The following LRMDA variants were observed in gnomAD, a reference collection of about 807,000 sequenced individuals.
LRMDA encodes the protein leucine rich melanocyte differentiation associated.
LRMDA carries 18 observed loss-of-function variants against 29.8 expected under a neutral mutation model. The ratio of observed to expected loss-of-function variants is 0.60; its 90% CI spans 0.42 to 0.90. The LOEUF (loss-of-function observed/expected upper bound fraction) is 0.90. LRMDA is among the 40% of genes least tolerant of loss of function. The pLI, the probability that LRMDA is intolerant of heterozygous loss-of-function variation, is 0.00. For synonymous variants in LRMDA, 125 were observed against 109.4 expected (o/e 1.14, Z -0.89); for missense variants, 273 against 273.9 (o/e 1.00, Z 0.02).
At chr10:75,947,120 C>T (rs964586019) in intron 2 of LRMDA, among the ~76,000 whole-genome samples, 5 of 152,180 alleles carry the variant, frequency 3.3e-5, no homozygotes, top group Admixed American at 3.3e-4. Context: ...GGGTAAAAAT[C>T]CTCTCGGCCT....
chr10:76,024,646 AG>A (rs2132494789), intron 2 of LRMDA, among the ~76,000 whole-genome samples: 1 of 152,230 alleles, frequency 6.6e-6, no homozygotes, highest in South Asian at 2.1e-4. Context: ...AGTCCATTCC[AG>A]GGGGGCCCTG....
intron 6 of LRMDA, among the ~76,000 whole-genome samples, chr10:76,458,881 C>T (rs1842484555): frequency 6.6e-6 from 1 of 151,778 alleles, no homozygotes; most frequent in Non-Finnish European, 1.5e-5. Flanking sequence ...CAAATAAGGC[C>T]ATTTTCCTCA....
At chr10:75,433,844 A>G (rs1245182194) in intron 1 of LRMDA, among the ~76,000 whole-genome samples, 1 of 152,164 alleles carries the variant, frequency 6.6e-6, no homozygotes, top group East Asian at 1.9e-4. Context: ...GCAAAGAAAA[A>G]AAAACCCTAT....
chr10:76,301,864 A>G (rs761323581), intron 5 of LRMDA, among the ~76,000 whole-genome samples: 7 of 152,214 alleles, frequency 4.6e-5, no homozygotes, highest in African/African-American at 7.2e-5. Context: ...TATTTGTGCA[A>G]TATCACAGAC....
At chr10:76,103,853 A>G (rs1226761700) in intron 5 of LRMDA, among the ~76,000 whole-genome samples, 1 of 152,018 alleles carries the variant, frequency 6.6e-6, no homozygotes, top group Non-Finnish European at 1.5e-5. Flanking sequence ...GTTCAAGACC[A>G]GCCTGGCCAA....
At chr10:75,622,022 A>G (rs2132107249) in intron 2 of LRMDA, among the ~76,000 whole-genome samples, 1 of 152,340 alleles carries the variant, frequency 6.6e-6, no homozygotes, top group Admixed American at 6.5e-5. Flanking sequence ...CAGTATCTTT[A>G]AATGCATAAA....
rs117632288 is a variant in LRMDA at position 75,632,482 on chromosome 10, T to A, written c.131+193988T>A. 7.2e-5 allele frequency among the ~76,000 whole-genome samples: 11 copies of A among 152,310 alleles called. No individual in the cohort carries two copies. The East Asian group carries it at 1.9e-3, about 27-fold the overall frequency. ...CCATCTTAAGTTAGCCAAGATTGAG[T>A]ATCAGGGATGGCTTTCCTAATAAAC... On this transcript the variant is annotated intron_variant, in intron 2 of 6. Transcript: ENST00000611255.
chr10:76,413,682 A>G (rs1201061848), intron 6 of LRMDA, among the ~76,000 whole-genome samples: 2 of 152,188 alleles, frequency 1.3e-5, no homozygotes, highest in African/African-American at 4.8e-5. Context: ...TATAAAATTT[A>G]TCTATTTTAT....
At chr10:76,080,430 G>A (rs1049344688) in intron 5 of LRMDA, among the ~76,000 whole-genome samples, 2 of 152,144 alleles carry the variant, frequency 1.3e-5, no homozygotes, top group African/African-American at 4.8e-5. Flanking sequence ...GAGCTATACT[G>A]AGACAGTCAC....
chr10:76,041,994 C>T (rs779446236), intron 3 of LRMDA, among the ~76,000 whole-genome samples: 2 of 152,112 alleles, frequency 1.3e-5, no homozygotes, highest in African/African-American at 2.4e-5. Flanking sequence ...AGGTTTCTTC[C>T]ACAGATTGCC....
chr10:75,617,044 G>C (rs1208836313), intron 2 of LRMDA, among the ~76,000 whole-genome samples: 5 of 152,174 alleles, frequency 3.3e-5, no homozygotes, highest in African/African-American at 1.2e-4. Context: ...CTGGATTAAG[G>C]TCCAGATGGT....
intron 6 of LRMDA, among the ~76,000 whole-genome samples, chr10:76,488,589 T>C (rs979457434): frequency 1.3e-5 from 2 of 151,922 alleles, no homozygotes; most frequent in Non-Finnish European, 2.9e-5. Context: ...TCAGTCCAAT[T>C]TTTAACTTTA....
chr10:75,991,629 G>A (rs748140801), intron 2 of LRMDA, among the ~76,000 whole-genome samples: 4 of 152,246 alleles, frequency 2.6e-5, no homozygotes, highest in South Asian at 4.1e-4. Flanking sequence ...ACCCATAGCC[G>A]TGTTTAGCAG....
intron 5 of LRMDA, among the ~76,000 whole-genome samples, chr10:76,074,662 A>T (rs1848929323): frequency 6.6e-6 from 1 of 152,218 alleles, no homozygotes; most frequent in Non-Finnish European, 1.5e-5. Context: ...AACCCCAAGA[A>T]GGGAAGTAGA....
chr10:75,644,168 G>A (rs1841487644), intron 2 of LRMDA, among the ~76,000 whole-genome samples: 1 of 152,166 alleles, frequency 6.6e-6, no homozygotes, highest in Non-Finnish European at 1.5e-5. Flanking sequence ...AGAATGGATG[G>A]TGACCCTTCT....
chr10:75,695,134 AG>A (rs1842218313), intron 2 of LRMDA, among the ~76,000 whole-genome samples: 1 of 152,176 alleles, frequency 6.6e-6, no homozygotes, highest in Admixed American at 6.5e-5. Flanking sequence ...GTGATTAACC[AG>A]TAAGACAGGG....
At chr10:75,628,915 A>G (rs567003986) in intron 2 of LRMDA, among the ~76,000 whole-genome samples, 2 of 152,336 alleles carry the variant, frequency 1.3e-5, no homozygotes, top group African/African-American at 4.8e-5. Flanking sequence ...GTACCCAAGA[A>G]AGCCAGCAGC....
chr10:75,561,524 A>G (rs1433707757), intron 2 of LRMDA, among the ~76,000 whole-genome samples: 3 of 151,576 alleles, frequency 2.0e-5, no homozygotes, highest in Non-Finnish European at 4.4e-5. Context: ...TTGAGTCTCT[A>G]TTTCCTTCAG....
chr10:76,450,658 T>C (rs1842396912), intron 6 of LRMDA, among the ~76,000 whole-genome samples: 1 of 152,206 alleles, frequency 6.6e-6, no homozygotes, highest in African/African-American at 2.4e-5. Flanking sequence ...CTTTAAATTT[T>C]CTTCCACATT....
Sources: allele counts gnomAD v4.1 joint callset (sites outside exome capture counted in the v4.1 genomes callset), GRCh38; gene constraint gnomAD v4.1.1; transcripts MANE v1.5; gene names NCBI Gene and HGNC (gene_info 2026-07-23, HGNC 2026-07-21).